Variants in CIMIP5 observed in about 807,000 individuals in gnomAD.
CIMIP5 encodes the protein uncharacterized protein C2orf50.
At chr2:11,147,856 A>G in the CIMIP5 span, among the ~76,000 whole-genome samples, 1 of 152,308 alleles carries the variant, frequency 6.6e-6, no homozygotes, top group East Asian at 1.9e-4. Context: ...CCAGAAAACC[A>G]GGACAGAGGG....
chr2:11,151,526 G>C, the CIMIP5 span, among the ~76,000 whole-genome samples: 1 of 152,258 alleles, frequency 6.6e-6, no homozygotes, highest in South Asian at 2.1e-4. Context: ...ACAGGGGAAA[G>C]AGCAATTCAC....
chr2:11,147,834 C>T, the CIMIP5 span, among the ~76,000 whole-genome samples: 1 of 152,220 alleles, frequency 6.6e-6, no homozygotes. Context: ...CCCCATCTCA[C>T]CCACTGGGAG....
At chr2:11,146,126 G>A in the CIMIP5 span, 1 of 152,190 alleles carries the variant, frequency 6.6e-6, no homozygotes. Flanking sequence ...TGAAATGACT[G>A]CTCTGTCTTT....
the CIMIP5 span, among the ~76,000 whole-genome samples, chr2:11,147,080 C>G: frequency 6.6e-6 from 1 of 152,220 alleles, no homozygotes; most frequent in African/African-American, 2.4e-5. Flanking sequence ...GGTTCTGCCA[C>G]TCCTGGAAGC....
the CIMIP5 span, among the ~76,000 whole-genome samples, chr2:11,152,272 T>C: frequency 2.0e-5 from 3 of 152,238 alleles, no homozygotes; most frequent in Non-Finnish European, 4.4e-5. Context: ...GTAGCTAATT[T>C]GTTAGTCCTA....
At chr2:11,140,447 G>A in the CIMIP5 span, 1 of 1,211,110 alleles carries the variant, frequency 8.3e-7, no homozygotes, top group Non-Finnish European at 1.2e-6. Flanking sequence ...TTGACACAGT[G>A]AAAGTCATTG....
At chr2:11,147,645 C>T in the CIMIP5 span, among the ~76,000 whole-genome samples, 1 of 152,188 alleles carries the variant, frequency 6.6e-6, no homozygotes. Flanking sequence ...TGGCACATCA[C>T]AAGGGTGCAA....
the CIMIP5 span, chr2:11,144,240 C>T: frequency 1.4e-6 from 1 of 719,888 alleles, no homozygotes; most frequent in Admixed American, 3.7e-5. Context: ...AGCTGCAGGA[C>T]ACTCTTCCAG....
chr2:11,143,106 A>G, the CIMIP5 span, among the ~76,000 whole-genome samples: 1 of 152,284 alleles, frequency 6.6e-6, no homozygotes, highest in East Asian at 1.9e-4. Flanking sequence ...TAAAAGCCCC[A>G]AACTAGAATC....
the CIMIP5 span, among the ~76,000 whole-genome samples, chr2:11,148,732 CT>C: frequency 0.023 from 824 of 35,532 alleles, 8 homozygotes; most frequent in African/African-American, 0.042. Context: ...AATGAAAACT[CT>C]TTTTTTTTTT....
At chr2:11,140,603 C>A in the CIMIP5 span, 8 of 1,359,054 alleles carry the variant, frequency 5.9e-6, no homozygotes, top group South Asian at 6.9e-5. Context: ...ATTACTCATT[C>A]TTTCCATCAT....
At chr2:11,141,171 C>A in the CIMIP5 span, among the ~76,000 whole-genome samples, 1 of 137,006 alleles carries the variant, frequency 7.3e-6, no homozygotes, top group Non-Finnish European at 1.5e-5. Flanking sequence ...CTCTGTCGCC[C>A]AGGCTGGAGT....
At chr2:11,133,485 G>A in the CIMIP5 span, 16 of 1,608,442 alleles carry the variant, frequency 9.9e-6, no homozygotes, top group Non-Finnish European at 1.3e-5. Context: ...GGCCCCCCAG[G>A]CTCTGAAGGC....
chr2:11,143,274 A>G, the CIMIP5 span, among the ~76,000 whole-genome samples: 6 of 152,190 alleles, frequency 3.9e-5, no homozygotes, highest in Admixed American at 1.3e-4. Context: ...TCCAAAGCTG[A>G]ATGAATCTCA....
chr2:11,137,938 C>T, the CIMIP5 span, among the ~76,000 whole-genome samples: 5 of 152,276 alleles, frequency 3.3e-5, no homozygotes, highest in East Asian at 1.9e-4. Flanking sequence ...CTCCGCCTCC[C>T]GGGTTCACGC....
chr2:11,151,418 T>C, the CIMIP5 span, among the ~76,000 whole-genome samples: 1 of 152,204 alleles, frequency 6.6e-6, no homozygotes, highest in Non-Finnish European at 1.5e-5. Flanking sequence ...GGGGGAGGCA[T>C]GGAATCAGTT....
chr2:11,137,869 G>A, the CIMIP5 span, among the ~76,000 whole-genome samples: 564 of 152,244 alleles, frequency 3.7e-3, 5 homozygotes, highest in African/African-American at 0.013. Flanking sequence ...ATTTTGAGAC[G>A]GAGTCTTGCT....
At chr2:11,136,949 A>G in the CIMIP5 span, among the ~76,000 whole-genome samples, 1 of 152,230 alleles carries the variant, frequency 6.6e-6, no homozygotes, top group African/African-American at 2.4e-5. Flanking sequence ...AAGGAGGCAT[A>G]AAGACCAAGG....
chr2:11,149,184 A>G, the CIMIP5 span, among the ~76,000 whole-genome samples: 10 of 152,274 alleles, frequency 6.6e-5, no homozygotes, highest in Non-Finnish European at 1.5e-4. Flanking sequence ...AAATGCTGAA[A>G]TCTAGAAGAT....
Sources: allele counts gnomAD v4.1 joint callset (sites outside exome capture counted in the v4.1 genomes callset), GRCh38; gene constraint gnomAD v4.1.1; transcripts MANE v1.5; gene names NCBI Gene and HGNC (gene_info 2026-07-23, HGNC 2026-07-21).